Variants in TNFRSF19 observed in about 807,000 individuals in gnomAD.
The protein encoded by TNFRSF19 is tumor necrosis factor receptor superfamily member 19.
A neutral mutation model predicts 46.4 loss-of-function variants in TNFRSF19; 27 were observed. The ratio of observed to expected loss-of-function variants is 0.58; its 90% CI spans 0.43 to 0.80. The LOEUF is 0.80. Ranked by LOEUF, TNFRSF19 falls within the 30% of genes least tolerant of loss-of-function variation. The pLI, the probability that TNFRSF19 is intolerant of heterozygous loss-of-function variation, is 0.00. For synonymous variants in TNFRSF19, 204 were observed against 205.0 expected (o/e 1.00, Z 0.04); for missense variants, 511 against 530.8 (o/e 0.96, Z 0.37).
At chr13:23,602,867 C>T (rs1880260435) in intron 3 of TNFRSF19, among the ~76,000 whole-genome samples, 1 of 151,876 alleles carries the variant, frequency 6.6e-6, no homozygotes, top group South Asian at 2.1e-4. Flanking sequence ...AACCAGTGCT[C>T]AGGGGGTACT....
rs569932979 is a variant in TNFRSF19 at position 23,642,712 on chromosome 13, C to T, written c.445+15920C>T. ...CAGTGGAGGGAGGCTCTATCTAAAT[C>T]CTTTTAGAAATTTAAACTATGATCC... On this transcript the variant is annotated intron_variant, in intron 5 of 9. Transcript: ENST00000248484. Among the ~76,000 whole-genome samples the T allele has an allele frequency of 2.6e-5, 4 of 152,306 alleles. No individual in the cohort carries two copies. In the South Asian group the frequency reaches 8.3e-4, roughly 32 times the overall value.
chr13:23,574,489 G>A (rs758686722), intron 1 of TNFRSF19, among the ~76,000 whole-genome samples: 11 of 149,316 alleles, frequency 7.4e-5, no homozygotes, highest in Admixed American at 2.0e-4. Context: ...TATATATTTT[G>A]TAAGAACTAT....
rs574761161 is a variant in TNFRSF19, at chr13:23,575,623, A to G, written c.-35+4775A>G. On this transcript the variant is annotated intron_variant, in intron 1 of 9. Coordinates refer to ENST00000248484, the MANE Select transcript of TNFRSF19 (RefSeq NM_148957.4). ...ATTTGGAAAACTTTATTACTCTTTG[A>G]GATTCTCACTCTCAATTACTAATTC... Among the ~76,000 whole-genome samples, 4 of 152,310 alleles carry G rather than the reference A, an allele frequency of 2.6e-5. No individual in the cohort carries two copies. In the South Asian group the frequency reaches 8.3e-4, roughly 32 times the overall value.
intron 1 of TNFRSF19, among the ~76,000 whole-genome samples, chr13:23,589,618 G>A (rs949740544): frequency 2.1e-4 from 32 of 152,192 alleles, no homozygotes; most frequent in Admixed American, 1.3e-4. Flanking sequence ...GTGACCTTGG[G>A]CAGGTTACTT....
At chr13:23,661,147 A>G (rs1884341205) in intron 7 of TNFRSF19, among the ~76,000 whole-genome samples, 1 of 152,138 alleles carries the variant, frequency 6.6e-6, no homozygotes, top group South Asian at 2.1e-4. Context: ...TTAATTATTT[A>G]AGCCTAGTAC....
At position 23,584,164 on chromosome 13, in the gene TNFRSF19, T is replaced by C. The variant is rs546498035; in HGVS notation, c.-34-5986T>C. Among the ~76,000 whole-genome samples the C allele has an allele frequency of 1.6e-4, 24 of 152,278 alleles. No individual in the cohort carries two copies. The South Asian group carries it at 4.4e-3, about 28-fold the overall frequency. The stretch of plus-strand genomic sequence containing the variant: ...TCAGTGGTGATTTGTGAGATTTTGG[T>C]GCACCCATCCCCTGAGCAGTATACA... On this transcript the variant is annotated intron_variant, in intron 1 of 9. Coordinates refer to ENST00000248484, the MANE Select transcript of TNFRSF19 (RefSeq NM_148957.4).
At chr13:23,653,905 G>T (rs1015674199) in intron 5 of TNFRSF19, among the ~76,000 whole-genome samples, 1 of 152,190 alleles carries the variant, frequency 6.6e-6, no homozygotes, top group African/African-American at 2.4e-5. Flanking sequence ...CTGGGCAGCA[G>T]ATCTATTGGA....
chr13:23,667,985 G>A lies in TNFRSF19; in HGVS notation c.742G>A (p.Val248Met), dbSNP rs202087628. ...RRDSVQTCGPVRLLPSMCCEE... is the reference protein window; with the variant it reads ...RRDSVQTCGPMRLLPSMCCEE... ...ACCTGTGCTGTCTTCCCTAGGGCCG[G>A]TGCGCTTGCTCCCATCCATGTGCTG... Residue 248 changes from valine to methionine, a missense_variant, in exon 8 of 10, where the codon GTG (valine) becomes ATG (methionine). Physicochemically the swap from Val to Met is conservative, Grantham distance 21 (BLOSUM62 1). This residue lies in a region of TNFRSF19 where 376 missense variants were observed against 372.7 expected (regional missense o/e 1.01). Coordinates refer to ENST00000248484, the MANE Select transcript of TNFRSF19 (RefSeq NM_148957.4). The A allele has an allele frequency of 3.1e-6, 5 of 1,604,684 alleles. No homozygotes were observed. Among genetic ancestry groups the A allele is most frequent in the Non-Finnish European group, 8.5e-7 (1 of 1,175,720 alleles).
At chr13:23,590,396 G>A (rs998816262) in intron 2 of TNFRSF19, 144 bp downstream of exon 2, 1 of 466,688 alleles carries the variant, frequency 2.1e-6, no homozygotes, top group Non-Finnish European at 3.8e-6. Context: ...GTGCAGTGGT[G>A]CAATCTTGGC....
rs1951821782 is a variant in TNFRSF19, at chr13:23,675,804, CAAGTA to C, written c.*2429_*2433del. The C allele has an allele frequency of 6.6e-6, 1 of 152,156 alleles. No individual in the cohort carries two copies. The highest frequency in any genetic ancestry group is 1.9e-4 in the East Asian group (1 of 5,162). The allele number at this position is 152,156 out of a possible 1,614,324, so 9.4% of individuals were successfully genotyped here. A position where few individuals can be genotyped will look rare whatever the true frequency, so the allele number is the denominator to read the frequency against. On this transcript the variant is annotated 3_prime_UTR_variant, in exon 10 of 10. Transcript: ENST00000248484. The stretch of plus-strand genomic sequence containing the variant: ...GACTGAGGAGGATTTCAAGAGCAAC[CAAGTA>C]AAGTCATGAATTTTCTAATTTTGTG...
intron 3 of TNFRSF19, among the ~76,000 whole-genome samples, chr13:23,602,806 G>C (rs1015418386): frequency 6.6e-6 from 1 of 151,960 alleles, no homozygotes; most frequent in African/African-American, 2.4e-5. Context: ...AAAATATTTT[G>C]AACTAAATGA....
chr13:23,629,249 G>A (rs955956992), intron 5 of TNFRSF19, among the ~76,000 whole-genome samples: 3 of 152,186 alleles, frequency 2.0e-5, no homozygotes, highest in Admixed American at 2.0e-4. Context: ...CCTGGTAGTG[G>A]GAGAGGCAAG....
In TNFRSF19 at chr13:23,660,501, C is replaced by G; in HGVS notation, c.736+11C>G. 1 of 1,611,118 alleles carries G rather than the reference C, an allele frequency of 6.2e-7. No homozygotes were observed. The highest frequency in any genetic ancestry group is 8.5e-7 in the Non-Finnish European group (1 of 1,179,188). ...CAGTGCAGACCTGCGGTAAGTTCAG[C>G]AGGGAAGTGCCGTTAGGAGGACTGG... is the stretch of plus-strand genomic sequence containing the variant. On this transcript the variant is annotated intron_variant, in intron 7 of 9. Transcript: ENST00000248484.
chr13:23,669,887 A>G (rs1951728732), intron 9 of TNFRSF19, among the ~76,000 whole-genome samples: 1 of 152,186 alleles, frequency 6.6e-6, no homozygotes, highest in Non-Finnish European at 1.5e-5. Context: ...TCTAGGAGAA[A>G]AGTGTCAAGC....
At position 23,674,362 on chromosome 13, in the gene TNFRSF19, CAT is replaced by C. The variant is rs1951797724; in HGVS notation, c.*983_*984del. On this transcript the variant is annotated 3_prime_UTR_variant, in exon 10 of 10. Coordinates refer to ENST00000248484, the MANE Select transcript of TNFRSF19 (RefSeq NM_148957.4). Reference sequence around the variant, plus strand: ...AGTAGCCTTCCGTGAGAACACACCACATGTTAGGACTAGAAGAAAATGCACAA... The same window carrying C: ...AGTAGCCTTCCGTGAGAACACACCACGTTAGGACTAGAAGAAAATGCACAA... 1 of 152,190 alleles carries C rather than the reference CAT, an allele frequency of 6.6e-6. No individual in the cohort carries two copies. Among genetic ancestry groups the C allele is most frequent in the African/African-American group, 2.4e-5 (1 of 41,446 alleles). 9.4% of individuals were successfully genotyped at this position (152,190 alleles called of 1,614,324 possible).
At chr13:23,665,773 G>A (rs78894553) in intron 7 of TNFRSF19, among the ~76,000 whole-genome samples, 5 of 152,112 alleles carry the variant, frequency 3.3e-5, no homozygotes, top group Non-Finnish European at 7.4e-5. Flanking sequence ...CAGGAAATTC[G>A]TGTTAATTCA....
intron 5 of TNFRSF19, among the ~76,000 whole-genome samples, chr13:23,639,638 C>T (rs776994256): frequency 1.3e-5 from 2 of 152,152 alleles, no homozygotes; most frequent in Non-Finnish European, 2.9e-5. Flanking sequence ...CTAGGTAGCT[C>T]CCCAGCCAGT....
chr13:23,667,137 A>ATATG (rs66935469), intron 7 of TNFRSF19, among the ~76,000 whole-genome samples: 53 of 71,450 alleles, frequency 7.4e-4, no homozygotes, highest in African/African-American at 2.5e-3. Flanking sequence ...ATATATATAT[A>ATATG]TATGTATGTA....
At chr13:23,655,363 T>G (rs1026150063) in intron 5 of TNFRSF19, among the ~76,000 whole-genome samples, 1 of 152,212 alleles carries the variant, frequency 6.6e-6, no homozygotes, top group African/African-American at 2.4e-5. Context: ...TAAAGGGTAG[T>G]GCTAACATTA....
Sources: allele counts gnomAD v4.1 joint callset (sites outside exome capture counted in the v4.1 genomes callset), GRCh38; gene constraint gnomAD v4.1.1; regional missense constraint gnomAD v4.1.1; transcripts MANE v1.5; gene names NCBI Gene and HGNC (gene_info 2026-07-23, HGNC 2026-07-21).